The following CAPZB variants were observed in gnomAD, a reference collection of about 807,000 sequenced individuals.
CAPZB encodes the protein F-actin-capping protein subunit beta.
Under a neutral mutation model 38.1 loss-of-function variants are expected in CAPZB, and 2 were observed. The observed-to-expected ratio is 0.05, with a 90% CI of 0.02 to 0.17. The LOEUF is 0.17. Among genes scored for constraint, CAPZB ranks in the 10% least tolerant of loss-of-function variants. The probability of loss-of-function intolerance (pLI) is 1.00; values close to 1 mark genes in which losing one functional copy is unlikely to be tolerated. For synonymous variants in CAPZB, 107 were observed against 127.4 expected (o/e 0.84, Z 1.08); for missense variants, 161 against 334.2 (o/e 0.48, Z 4.04).
intron 1 of CAPZB, among the ~76,000 whole-genome samples, chr1:19,465,817 T>C (rs1558287423): frequency 1.3e-5 from 2 of 152,214 alleles, no homozygotes; most frequent in African/African-American, 2.4e-5. Context: ...GGGCACTTAC[T>C]ATGTCCCAGG....
At chr1:19,406,663 A>G (rs190183927) in intron 2 of CAPZB, among the ~76,000 whole-genome samples, 66 of 152,218 alleles carry the variant, frequency 4.3e-4, no homozygotes, top group Admixed American at 2.0e-3. Flanking sequence ...GCTTGGACCA[A>G]CTCATGAAAC....
chr1:19,445,201 T>C (rs1284099599), intron 1 of CAPZB, among the ~76,000 whole-genome samples: 1 of 152,188 alleles, frequency 6.6e-6, no homozygotes, highest in African/African-American at 2.4e-5. Flanking sequence ...ACAGGAAGTT[T>C]GCAAAGGTGT....
intron 3 of CAPZB, among the ~76,000 whole-genome samples, chr1:19,383,906 G>A (rs1407411760): frequency 6.6e-6 from 1 of 151,952 alleles, no homozygotes; most frequent in Non-Finnish European, 1.5e-5. Context: ...ACCTGCAGAG[G>A]CCGCTGGCTC....
At chr1:19,476,033 C>T (rs1402563532) in intron 1 of CAPZB, among the ~76,000 whole-genome samples, 1 of 152,168 alleles carries the variant, frequency 6.6e-6, no homozygotes, top group Admixed American at 6.5e-5. Context: ...CTAAAACAGG[C>T]CAATTTTGGC....
chr1:19,420,944 A>C (rs1001987322), intron 1 of CAPZB, among the ~76,000 whole-genome samples: 1 of 152,238 alleles, frequency 6.6e-6, no homozygotes, highest in East Asian at 1.9e-4. Flanking sequence ...CTAACACAGA[A>C]GGCTAGACCT....
At chr1:19,405,693 G>A (rs1227245051) in intron 2 of CAPZB, among the ~76,000 whole-genome samples, 1 of 152,192 alleles carries the variant, frequency 6.6e-6, no homozygotes, top group Non-Finnish European at 1.5e-5. Flanking sequence ...TCCAGAAAGA[G>A]GGAGAGGGAG....
At chr1:19,411,934 G>A (rs780909831) in intron 2 of CAPZB, among the ~76,000 whole-genome samples, 14 of 152,164 alleles carry the variant, frequency 9.2e-5, no homozygotes, top group East Asian at 1.9e-4. Flanking sequence ...GCCATCCTCC[G>A]GAGAGGCCAG....
At chr1:19,453,118 ATTTAT>A (rs1303691943) in intron 1 of CAPZB, among the ~76,000 whole-genome samples, 1 of 151,630 alleles carries the variant, frequency 6.6e-6, no homozygotes, top group East Asian at 2.0e-4. Context: ...AGTCAGAATA[ATTTAT>A]TTTAACATAA....
chr1:19,349,242 C>T (rs7540995), intron 6 of CAPZB, among the ~76,000 whole-genome samples: 29,347 of 152,002 alleles, frequency 0.19, 3,157 homozygotes, highest in Non-Finnish European at 0.23. Context: ...TGCTGGCCCC[C>T]GGGGACTGTG....
At chr1:19,461,111 C>T (rs1398108401) in intron 1 of CAPZB, among the ~76,000 whole-genome samples, 2 of 144,430 alleles carry the variant, frequency 1.4e-5, no homozygotes, top group African/African-American at 5.1e-5. Flanking sequence ...GGGGGAGGGG[C>T]GGGTTCCAGC....
At position 19,339,243 on chromosome 1, in the gene CAPZB, T is replaced by G; in HGVS notation, c.*287A>C. On this transcript the variant is annotated 3_prime_UTR_variant, in exon 9 of 9. Coordinates refer to ENST00000264202, the MANE Select transcript of CAPZB (RefSeq NM_004930.5). Reference sequence around the variant, plus strand: ...AGACAGTGGATTTTATGCCTATAAATGGGGGGACAGGGAGGAAGACGGGGG... The same window carrying G: ...AGACAGTGGATTTTATGCCTATAAAGGGGGGGACAGGGAGGAAGACGGGGG... The G allele has an allele frequency of 2.4e-6, 1 of 414,786 alleles. No individual in the cohort carries two copies. The highest frequency in any genetic ancestry group is 4.3e-6 in the Non-Finnish European group (1 of 230,116). 25.7% of individuals were successfully genotyped at this position (414,786 alleles called of 1,614,324 possible). A position where few individuals can be genotyped will look rare whatever the true frequency, so the allele number is the denominator to read the frequency against.
chr1:19,420,419 T>C (rs1433419483), intron 1 of CAPZB, among the ~76,000 whole-genome samples: 1 of 152,088 alleles, frequency 6.6e-6, no homozygotes, highest in Non-Finnish European at 1.5e-5. Context: ...TTTTAAAAAA[T>C]GTTTTTCATT....
chr1:19,366,841 T>TA (rs2094091205), intron 4 of CAPZB, among the ~76,000 whole-genome samples: 1 of 152,092 alleles, frequency 6.6e-6, no homozygotes, highest in Admixed American at 6.5e-5. Flanking sequence ...CCTCCTAGGG[T>TA]AAAAAAGAAA....
intron 1 of CAPZB, among the ~76,000 whole-genome samples, chr1:19,484,033 C>A (rs2094640693): frequency 6.6e-6 from 1 of 152,190 alleles, no homozygotes; most frequent in African/African-American, 2.4e-5. Context: ...AAGTGCTGGG[C>A]CTGTCCTGCA....
chr1:19,459,245 C>CA (rs1404374787), intron 1 of CAPZB, among the ~76,000 whole-genome samples: 1 of 152,170 alleles, frequency 6.6e-6, no homozygotes, highest in African/African-American at 2.4e-5. Flanking sequence ...GCTGAACAAC[C>CA]ACCTGTATGG....
At chr1:19,470,615 G>A (rs776996546) in intron 1 of CAPZB, among the ~76,000 whole-genome samples, 1 of 152,332 alleles carries the variant, frequency 6.6e-6, no homozygotes, top group East Asian at 1.9e-4. Flanking sequence ...CCTGATCCCA[G>A]TGCTCCAGTG....
At position 19,351,834 on chromosome 1, in the gene CAPZB, C is replaced by T. The variant is rs138797175; in HGVS notation, c.588+4801G>A. 1.4e-4 allele frequency among the ~76,000 whole-genome samples: 22 copies of T among 152,302 alleles called. No individual in the cohort carries two copies. The East Asian group carries it at 3.1e-3, about 21-fold the overall frequency. On this transcript the variant is annotated intron_variant, in intron 6 of 8. Transcript: ENST00000264202. ...GCAGGGTCCATCCCTGCCTCAGCCG[C>T]CTCCTGCCAGGGATCTCCGGTCCCT...
intron 6 of CAPZB, among the ~76,000 whole-genome samples, chr1:19,346,745 C>T (rs1485540999): frequency 6.6e-6 from 1 of 151,718 alleles, no homozygotes; most frequent in Non-Finnish European, 1.5e-5. Flanking sequence ...ACCAGGCTTC[C>T]AGGGTCGGGC....
At chr1:19,435,630 C>T (rs1439190604) in intron 1 of CAPZB, among the ~76,000 whole-genome samples, 2 of 152,238 alleles carry the variant, frequency 1.3e-5, no homozygotes, top group African/African-American at 4.8e-5. Flanking sequence ...GCCAATATCT[C>T]ATGTAATCTT....
Sources: allele counts gnomAD v4.1 joint callset (sites outside exome capture counted in the v4.1 genomes callset), GRCh38; gene constraint gnomAD v4.1.1; transcripts MANE v1.5; gene names NCBI Gene and HGNC (gene_info 2026-07-23, HGNC 2026-07-21).